The following SEC24C variants were observed in gnomAD, a reference collection of about 807,000 sequenced individuals.
SEC24C encodes the protein SEC24 homolog C, COPII component, also known as protein transport protein Sec24C.
A neutral mutation model predicts 117.0 loss-of-function variants in SEC24C; 22 were observed. The observed-to-expected ratio is 0.19, with a 90% CI of 0.13 to 0.27. The LOEUF (loss-of-function observed/expected upper bound fraction) is 0.27, where lower values mean the gene tolerates loss of function less well. Among genes scored for constraint, SEC24C ranks in the 10% least tolerant of loss-of-function variants. The pLI is 1.00. For missense variants in SEC24C, 1,155 were observed against 1,375.1 expected (o/e 0.84, Z 2.53); for synonymous variants, 506 against 529.4 (o/e 0.96, Z 0.61).
chr10:73,766,641 G>A (rs2082888327), intron 12 of SEC24C, 100 bp downstream of exon 12: 1 of 1,455,008 alleles, frequency 6.9e-7, no homozygotes, highest in African/African-American at 1.4e-5. Flanking sequence ...GATGGAAAGG[G>A]GTTGTGGCCC....
intron 1 of SEC24C, chr10:73,746,558 G>A: frequency 1.7e-5 from 5 of 293,782 alleles, no homozygotes; most frequent in Non-Finnish European, 3.1e-5. Flanking sequence ...GGATCTGTCT[G>A]AAGTTGAAAT....
At chr10:73,750,090 C>G (rs962164293) in intron 2 of SEC24C, among the ~76,000 whole-genome samples, 2 of 152,196 alleles carry the variant, frequency 1.3e-5, no homozygotes, top group Admixed American at 6.5e-5. Context: ...GGCCCCAGGT[C>G]TTTGGAAGAA....
intron 12 of SEC24C, 47 bp from the exon 13 acceptor site, chr10:73,766,713 G>C: frequency 6.4e-7 from 1 of 1,554,450 alleles, no homozygotes; most frequent in Non-Finnish European, 8.9e-7. Context: ...GAGGTATCTG[G>C]AATCTGTATA....
At chr10:73,768,760 G>A (rs762980921) in intron 15 of SEC24C, 50 bp from the exon 16 acceptor site, 19 of 1,572,888 alleles carry the variant, frequency 1.2e-5, no homozygotes, top group African/African-American at 6.7e-5. Context: ...TTGTCTGCAC[G>A]ATGAGCTATG....
chr10:73,757,700 T>G (rs796996925), intron 3 of SEC24C, among the ~76,000 whole-genome samples: 1 of 150,250 alleles, frequency 6.7e-6, no homozygotes, highest in African/African-American at 2.5e-5. Flanking sequence ...GAAGCCGGGG[T>G]AGGAGTTCAA....
chr10:73,757,209 T>C (rs1316958128), intron 3 of SEC24C, among the ~76,000 whole-genome samples: 1 of 143,750 alleles, frequency 7.0e-6, no homozygotes, highest in Non-Finnish European at 1.5e-5. Flanking sequence ...CCACTGCACC[T>C]GGCCTAATTT....
At chr10:73,770,047 C>A in intron 20 of SEC24C, 32 bp downstream of exon 20, 1 of 1,602,266 alleles carries the variant, frequency 6.2e-7, no homozygotes, top group Non-Finnish European at 8.5e-7. Flanking sequence ...TGAGATCTTG[C>A]ACGGAGCAAA....
At position 73,767,176 on chromosome 10, in the gene SEC24C, G is replaced by C; in HGVS notation, c.2010+6G>C. On this transcript the variant is annotated splice_donor_region_variant and intron_variant, in intron 14 of 22. Coordinates refer to ENST00000345254, the MANE Select transcript of SEC24C (RefSeq NM_198597.3). Reference sequence around the variant, plus strand: ...TCAATACAGACAAGGAGAAGGTGTGGGACTGGAAAATGGGGGAGGGGAAGG... The same window carrying C: ...TCAATACAGACAAGGAGAAGGTGTGCGACTGGAAAATGGGGGAGGGGAAGG... 6.3e-7 allele frequency: 1 copy of C among 1,592,002 alleles called. No individual in the cohort carries two copies. The highest frequency in any genetic ancestry group is 8.6e-7 in the Non-Finnish European group (1 of 1,160,682).
rs144486399 is a variant in SEC24C at position 73,760,352 on chromosome 10, C to G, written c.816C>G (p.Ser272=). 122 of 1,603,994 alleles carry G rather than the reference C, an allele frequency of 7.6e-5. No individual in the cohort carries two copies. In the African/African-American group the frequency reaches 1.5e-3, roughly 20 times the overall value. The change falls in exon 5 of 23, where the codon TCC becomes TCG. Residue 272 remains serine, a synonymous_variant. Coordinates refer to ENST00000345254, the MANE Select transcript of SEC24C (RefSeq NM_198597.3). ...TGGGACCACTGCCACCTATGCACTCCCCGCAGCAGCCAGGCTATCAGCCCC... is the reference window on the plus strand; with the variant it reads ...TGGGACCACTGCCACCTATGCACTCGCCGCAGCAGCCAGGCTATCAGCCCC... ...GPLGPLPPMH[S]PQQPGYQPQQ...
rs1304128353 is a variant in SEC24C, at chr10:73,760,070, G to C, written c.534G>C (p.Leu178=). ...SASGSFPNSG[L]YGSYPQGQAP... ...CAGGAAGTTTCCCTAACTCTGGTCT[G>C]TATGGCTCCTATCCTCAGGGCCAGG... is the stretch of plus-strand genomic sequence containing the variant. The change falls in exon 5 of 23, where the codon CTG becomes CTC. Residue 178 remains leucine (L), a synonymous_variant. Coordinates refer to ENST00000345254, the MANE Select transcript of SEC24C (RefSeq NM_198597.3). 6.2e-7 allele frequency: 1 copy of C among 1,613,202 alleles called. No homozygotes were observed. Among genetic ancestry groups the C allele is most frequent in the African/African-American group, 1.3e-5 (1 of 74,890 alleles).
At chr10:73,759,596 C>A in intron 3 of SEC24C, 26 bp from the exon 4 acceptor site, 1 of 1,480,322 alleles carries the variant, frequency 6.8e-7, no homozygotes, top group South Asian at 1.4e-5. Flanking sequence ...CCCCACTAGT[C>A]ACCTCTGCTT....
intron 3 of SEC24C, among the ~76,000 whole-genome samples, chr10:73,757,944 A>C (rs972252749): frequency 6.7e-6 from 1 of 150,332 alleles, no homozygotes; most frequent in East Asian, 2.0e-4. Flanking sequence ...AAAAAAAAAA[A>C]AAAACGTAAG....
Position 73,767,954 on chromosome 10 carries a change from T to A in SEC24C, c.2128T>A (p.Ser710Thr). The A allele has an allele frequency of 6.2e-7, 1 of 1,613,486 alleles. No individual in the cohort carries two copies. The highest frequency in any genetic ancestry group is 8.5e-7 in the Non-Finnish European group (1 of 1,179,864). ...CCAGTATGTGGATGTGGCCACACTC[T>A]CTGTTGTGCCCCAGCTCACTGGTGG... is the stretch of plus-strand genomic sequence containing the variant. The part of the protein sequence containing the change: ...PNQYVDVATL[S>T]VVPQLTGGSV... The change falls in exon 15 of 23, where the codon TCT becomes ACT. Residue 710 changes from serine to threonine, a missense_variant. By Grantham distance (58) the Ser-to-Thr change is moderately conservative (BLOSUM62 1). Transcript: ENST00000345254.
intron 12 of SEC24C, 82 bp from the exon 13 acceptor site, chr10:73,766,678 A>G: frequency 6.8e-7 from 1 of 1,465,434 alleles, no homozygotes; most frequent in South Asian, 1.2e-5. Context: ...TAGAGGCTTG[A>G]TGACTCTTCA....
At chr10:73,745,522 T>G (rs2132509041) in intron 1 of SEC24C, among the ~76,000 whole-genome samples, 1 of 150,846 alleles carries the variant, frequency 6.6e-6, no homozygotes, top group East Asian at 2.0e-4. Flanking sequence ...TTTTAATCTG[T>G]TACCTTGCTA....
intron 3 of SEC24C, among the ~76,000 whole-genome samples, chr10:73,758,909 CAG>C (rs1223088393): frequency 6.6e-6 from 1 of 151,798 alleles, no homozygotes; most frequent in Non-Finnish European, 1.5e-5. Flanking sequence ...TGGGAATAAT[CAG>C]AGAGGGAGAC....
At position 73,759,803 on chromosome 10, in the gene SEC24C, C is replaced by A; in HGVS notation, c.481+9C>A. On this transcript the variant is annotated intron_variant, in intron 4 of 22. Coordinates refer to ENST00000345254, the MANE Select transcript of SEC24C (RefSeq NM_198597.3). ...TTCAGGGCTGGGCTTTGGTGAGTGG[C>A]TGTGAACACAGGAATGTTACTGTCC... 6.4e-7 allele frequency: 1 copy of A among 1,559,716 alleles called. No individual in the cohort carries two copies. Among genetic ancestry groups the A allele is most frequent in the South Asian group, 1.2e-5 (1 of 83,012 alleles).
rs1044480675 is a variant in SEC24C, at chr10:73,759,160, C to T, written c.309-462C>T. On this transcript the variant is annotated intron_variant, in intron 3 of 22. Transcript: ENST00000345254. ...GCAATGAGCTGTGATCACACCACTG[C>T]ACTTCAGCCTGGGTGGCAGAGTGAG... is the stretch of plus-strand genomic sequence containing the variant. Among the ~76,000 whole-genome samples, 3 of 151,434 alleles carry T rather than the reference C, an allele frequency of 2.0e-5. No individual in the cohort carries two copies. The East Asian group carries it at 5.8e-4, about 29-fold the overall frequency.
Position 73,769,589 on chromosome 10 carries a change from G to C in SEC24C, c.2564-26G>C. On this transcript the variant is annotated intron_variant, in intron 18 of 22. Coordinates refer to ENST00000345254, the MANE Select transcript of SEC24C (RefSeq NM_198597.3). This position sits in a 1 kb window ranked among gnomAD's most constrained non-coding sequence, Gnocchi z 4.5. Reference sequence around the variant, plus strand: ...TGCACACATGATGGGCAGCTGACCAGTGACTATCTTTGCTTTCCCATCCAG... The same window carrying C: ...TGCACACATGATGGGCAGCTGACCACTGACTATCTTTGCTTTCCCATCCAG... 6.2e-7 allele frequency: 1 copy of C among 1,613,456 alleles called. No individual in the cohort carries two copies.
Sources: gnomAD v4.1 joint callset for allele counts (sites outside exome capture counted in the v4.1 genomes callset) on GRCh38, gnomAD v4.1.1 for gene constraint, Gnocchi (gnomAD v3.1) non-coding constraint, MANE v1.5 for transcripts, NCBI Gene and HGNC (gene_info 2026-07-23, HGNC 2026-07-21) for gene names.